Variants in RANBP2 observed in about 807,000 individuals in gnomAD.
RANBP2 encodes the protein RAN binding protein 2, also known as E3 SUMO-protein ligase RanBP2.
In RANBP2, 57 loss-of-function variants were observed where a neutral mutation model predicts 303.6. The observed-to-expected ratio is 0.19, with a 90% CI of 0.15 to 0.23. RANBP2 has a LOEUF of 0.23. Ranked by LOEUF, RANBP2 falls within the 10% of genes least tolerant of loss-of-function variation. The probability of loss-of-function intolerance (pLI) is 1.00; values close to 1 mark genes in which losing one functional copy is unlikely to be tolerated. For missense variants in RANBP2, 3,138 were observed against 3,780.8 expected, an observed-to-expected ratio of 0.83 and a Z score of 4.46; for synonymous variants, 1,167 against 1,301.5, an observed-to-expected ratio of 0.90 and a Z score of 2.23.
chr2:109,137,018 C>T, the RANBP2 span, among the ~76,000 whole-genome samples: 2 of 152,208 alleles, frequency 1.3e-5, no homozygotes, highest in African/African-American at 2.4e-5. Flanking sequence ...CCATACACTA[C>T]AGTGGACACT....
At chr2:109,139,900 G>T in the RANBP2 span, among the ~76,000 whole-genome samples, 2 of 152,168 alleles carry the variant, frequency 1.3e-5, no homozygotes, top group African/African-American at 2.4e-5. Flanking sequence ...AAAAGGCAGC[G>T]CCACTGGGGC....
At chr2:108,796,552 A>G in the RANBP2 span, among the ~76,000 whole-genome samples, 28 of 152,208 alleles carry the variant, frequency 1.8e-4, no homozygotes, top group Non-Finnish European at 3.4e-4. Flanking sequence ...AGCTCTGTTC[A>G]TAATAACCGA....
At chr2:109,619,064 A>G in the RANBP2 span, 1 of 166,490 alleles carries the variant, frequency 6.0e-6, no homozygotes, top group Non-Finnish European at 1.5e-5. Flanking sequence ...AGTTCACAAA[A>G]TGCTTTTTGA....
At chr2:109,554,699 T>C in the RANBP2 span, among the ~76,000 whole-genome samples, 1 of 152,182 alleles carries the variant, frequency 6.6e-6, no homozygotes, top group Non-Finnish European at 1.5e-5. Flanking sequence ...AAAATGACAT[T>C]GAACAAAACA....
chr2:109,349,845 G>C, the RANBP2 span, among the ~76,000 whole-genome samples: 3 of 152,274 alleles, frequency 2.0e-5, no homozygotes, highest in African/African-American at 7.2e-5. Flanking sequence ...CCTCTGCCCA[G>C]GATGTGCAAC....
chr2:109,626,494 A>G, the RANBP2 span, among the ~76,000 whole-genome samples: 3 of 150,226 alleles, frequency 2.0e-5, no homozygotes, highest in African/African-American at 7.4e-5. Context: ...ACAAACAAAC[A>G]AACAAACAAA....
intron 11 of RANBP2, 51 bp from the exon 12 acceptor site, chr2:108,751,820 C>T (rs2433791): frequency 3.1e-6 from 5 of 1,611,764 alleles, no homozygotes; most frequent in Non-Finnish European, 4.2e-6. Flanking sequence ...GTATGTAAGC[C>T]CTGAACTGTG....
the RANBP2 span, among the ~76,000 whole-genome samples, chr2:109,416,530 G>T: frequency 6.6e-6 from 1 of 152,240 alleles, no homozygotes; most frequent in East Asian, 1.9e-4. Context: ...GATTACAGGC[G>T]TGCGCCATCA....
At chr2:108,944,746 C>A in the RANBP2 span, among the ~76,000 whole-genome samples, 5 of 152,166 alleles carry the variant, frequency 3.3e-5, no homozygotes, top group African/African-American at 1.2e-4. Context: ...GAGGAGGGAG[C>A]TGTGGCACAG....
At chr2:109,535,095 A>G in the RANBP2 span, among the ~76,000 whole-genome samples, 1 of 152,198 alleles carries the variant, frequency 6.6e-6, no homozygotes, top group African/African-American at 2.4e-5. Context: ...GATGGAGGCT[A>G]TTAGGCCCCT....
At chr2:108,928,848 G>A in the RANBP2 span, among the ~76,000 whole-genome samples, 1 of 152,220 alleles carries the variant, frequency 6.6e-6, no homozygotes, top group Non-Finnish European at 1.5e-5. Flanking sequence ...TACTAAAAAT[G>A]CTGCTTTTGC....
chr2:109,336,599 C>T, the RANBP2 span, among the ~76,000 whole-genome samples: 3 of 152,336 alleles, frequency 2.0e-5, no homozygotes, highest in East Asian at 1.9e-4. Context: ...GTTTCCACCA[C>T]GTTGAGGCAA....
chr2:109,609,453 C>A, the RANBP2 span, among the ~76,000 whole-genome samples: 1 of 151,848 alleles, frequency 6.6e-6, no homozygotes, highest in African/African-American at 2.4e-5. Flanking sequence ...GGAGGTACTG[C>A]AAGGTAGCAT....
chr2:109,661,783 G>C, the RANBP2 span, among the ~76,000 whole-genome samples: 1 of 152,286 alleles, frequency 6.6e-6, no homozygotes, highest in East Asian at 1.9e-4. Context: ...AGGTAAACCT[G>C]TTCAAAGTCT....
chr2:108,732,886 C>T (rs1393624691), intron 4 of RANBP2, among the ~76,000 whole-genome samples: 1 of 152,188 alleles, frequency 6.6e-6, no homozygotes, highest in Non-Finnish European at 1.5e-5. Flanking sequence ...TTCACTGGCG[C>T]AATCTTGGCT....
chr2:109,363,107 A>T, the RANBP2 span, among the ~76,000 whole-genome samples: 1 of 151,950 alleles, frequency 6.6e-6, no homozygotes, highest in Admixed American at 6.6e-5. Context: ...TTATTTTATT[A>T]TATTTGTTGC....
the RANBP2 span, among the ~76,000 whole-genome samples, chr2:109,703,020 G>A: frequency 6.6e-6 from 1 of 152,062 alleles, no homozygotes; most frequent in Admixed American, 6.5e-5. Flanking sequence ...TCAAATTTGG[G>A]GGTGGGGGCT....
the RANBP2 span, chr2:109,619,075 A>C: frequency 1.8e-5 from 3 of 165,934 alleles, no homozygotes; most frequent in Non-Finnish European, 4.4e-5. Context: ...TGCTTTTTGA[A>C]GTTTCAGTTT....
At chr2:109,188,286 T>A in the RANBP2 span, among the ~76,000 whole-genome samples, 4 of 152,228 alleles carry the variant, frequency 2.6e-5, no homozygotes, top group African/African-American at 9.6e-5. Flanking sequence ...CCAGTCTTTC[T>A]GTGGGATCTG....
Sources: allele counts gnomAD v4.1 joint callset (sites outside exome capture counted in the v4.1 genomes callset), GRCh38; gene constraint gnomAD v4.1.1; transcripts MANE v1.5; gene names NCBI Gene and HGNC (gene_info 2026-07-23, HGNC 2026-07-21).